ZNF276: variants seen among roughly 807,000 people sequenced by gnomAD.
ZNF276 encodes zinc finger protein 276.
Under a neutral mutation model 63.9 loss-of-function variants are expected in ZNF276, and 59 were observed. The ratio of observed to expected loss-of-function variants is 0.92; its 90% CI spans 0.75 to 1.15. ZNF276 has a LOEUF of 1.15. Ranked by LOEUF, ZNF276 falls within the 50% of genes most tolerant of loss-of-function variation. ZNF276 has a pLI of 0.00. For missense variants in ZNF276, 1,084 were observed against 843.8 expected (o/e 1.28, Z -3.53); for synonymous variants, 496 against 348.4 (o/e 1.42, Z -4.72).
At chr16:89,730,955 A>AC (rs1384122866) in intron 6 of ZNF276, among the ~76,000 whole-genome samples, 1 of 152,140 alleles carries the variant, frequency 6.6e-6, no homozygotes, top group Non-Finnish European at 1.5e-5. Flanking sequence ...CAGGGCCTGC[A>AC]CCCCCATGGG....
chr16:89,737,145 C>G (rs2061951365), intron 9 of ZNF276, among the ~76,000 whole-genome samples: 1 of 152,150 alleles, frequency 6.6e-6, no homozygotes, highest in Non-Finnish European at 1.5e-5. Context: ...GTATGGACCC[C>G]TCTCATATGG....
At position 89,738,586 on chromosome 16, in the gene ZNF276, C is replaced by A. The variant is rs1267579056; in HGVS notation, c.*340C>A. 6.2e-7 allele frequency: 1 copy of A among 1,612,828 alleles called. No individual in the cohort carries two copies. The highest frequency in any genetic ancestry group is 8.5e-7 in the Non-Finnish European group (1 of 1,179,984). On this transcript the variant is annotated 3_prime_UTR_variant, in exon 11 of 11. Transcript: ENST00000443381. ...TTTACACGGGAGCTGGGCTGGTGTGCAGTGGCAGGTCCCGTCAGAAGAGAT... is the reference window on the plus strand; with the variant it reads ...TTTACACGGGAGCTGGGCTGGTGTGAAGTGGCAGGTCCCGTCAGAAGAGAT...
intron 1 of ZNF276, 41 bp from the exon 2 acceptor site, chr16:89,722,490 C>T (rs2151658228): frequency 6.4e-7 from 1 of 1,569,320 alleles, no homozygotes; most frequent in Non-Finnish European, 8.6e-7. Context: ...GCTCAGGAGC[C>T]TCCTTTGCCA....
chr16:89,739,731 G>A lies in ZNF276; in HGVS notation c.*1485G>A. 2 of 1,498,408 alleles carry A rather than the reference G, an allele frequency of 1.3e-6. No homozygotes were observed. Among genetic ancestry groups the A allele is most frequent in the Non-Finnish European group, 1.8e-6 (2 of 1,125,770 alleles). 92.8% of individuals were successfully genotyped at this position (1,498,408 alleles called of 1,614,324 possible). The stretch of plus-strand genomic sequence containing the variant: ...CTGTCAGCAGCTGGGAGAGGATGGG[G>A]GGGTCGACCTCTTGCAGGAGGGTGG... On this transcript the variant is annotated 3_prime_UTR_variant, in exon 11 of 11. Transcript: ENST00000443381.
chr16:89,738,940 A>G lies in ZNF276; in HGVS notation c.*694A>G. ...CCGAGGTATTAACTGCAGCAGAAAAAGACGAGCTTTTGTTATCAGTTCCAC... is the reference window on the plus strand; with the variant it reads ...CCGAGGTATTAACTGCAGCAGAAAAGGACGAGCTTTTGTTATCAGTTCCAC... On this transcript the variant is annotated 3_prime_UTR_variant, in exon 11 of 11. Transcript: ENST00000443381. The G allele has an allele frequency of 6.2e-7, 1 of 1,614,276 alleles. No homozygotes were observed. The highest frequency in any genetic ancestry group is 1.1e-5 in the South Asian group (1 of 91,092).
At position 89,721,663 on chromosome 16, in the gene ZNF276, G is replaced by A; in HGVS notation, c.23G>A (p.Arg8His). Residue 8 changes from arginine (R) to histidine (H), a missense_variant, in exon 1 of 11, where the codon CGC becomes CAC. Arg to His is a conservative substitution (Grantham distance 29). Coordinates refer to ENST00000443381, the MANE Select transcript of ZNF276 (RefSeq NM_001113525.2). ...GCCATGAAGCGGGACCGGCTGGGCC[G>A]CTTCCTGTCTCCTGGGTCGTCCCGA... is the stretch of plus-strand genomic sequence containing the variant. MKRDRLGRFLSPGSSRQC... is the reference protein window; with the variant it reads MKRDRLGHFLSPGSSRQC... The A allele has an allele frequency of 6.8e-7, 1 of 1,464,266 alleles. No individual in the cohort carries two copies. The highest frequency in any genetic ancestry group is 9.0e-7 in the Non-Finnish European group (1 of 1,113,926). 90.7% of individuals were successfully genotyped at this position (1,464,266 alleles called of 1,614,324 possible).
Position 89,738,120 on chromosome 16 carries a change from G to A in ZNF276, c.1719G>A (p.Met573Ile). ...FEKAHNLNVH[M>I]SMVHPLTQTQ... The stretch of plus-strand genomic sequence containing the variant: ...AGGCCCACAACCTCAATGTACACAT[G>A]TCCATGGTGCACCCGCTGACACAGA... The change falls in exon 11 of 11, where the codon ATG becomes ATA. Residue 573 changes from methionine (M) to isoleucine (I), a missense_variant. Transcript: ENST00000443381. The A allele has an allele frequency of 1.9e-6, 3 of 1,613,862 alleles. No individual in the cohort carries two copies. The highest frequency in any genetic ancestry group is 2.5e-6 in the Non-Finnish European group (3 of 1,180,022).
At chr16:89,728,202 C>CTTT (rs71389418) in intron 5 of ZNF276, among the ~76,000 whole-genome samples, 11 of 124,870 alleles carry the variant, frequency 8.8e-5, no homozygotes, top group Non-Finnish European at 1.5e-4. Flanking sequence ...GGCCACAAAT[C>CTTT]TTTTTTTTTT....
chr16:89,720,472 C>A, upstream of ZNF276: 11 of 1,094,392 alleles, frequency 1.0e-5, no homozygotes, highest in Non-Finnish European at 1.2e-5. Context: ...TGGAAGGTGG[C>A]CTGGCGGACC....
In ZNF276 at chr16:89,723,599, C is replaced by G. The variant is rs1214505605; in HGVS notation, c.896C>G (p.Thr299Ser). 2.5e-6 allele frequency: 4 copies of G among 1,612,798 alleles called. No individual in the cohort carries two copies. Among genetic ancestry groups the G allele is most frequent in the East Asian group, 2.2e-5 (1 of 44,876 alleles). The change falls in exon 4 of 11, where the codon ACC becomes AGC. Residue 299 changes from threonine to serine, a missense_variant. By Grantham distance (58) the Thr-to-Ser change is moderately conservative. Coordinates refer to ENST00000443381, the MANE Select transcript of ZNF276 (RefSeq NM_001113525.2). ...ACAGGGACCCCAGTTGGGGCTGAGA[C>G]CAAGACCCTGCCCAGCACGGATGTG... ...RGTGTPVGAETKTLPSTDVAQ... is the reference protein window; with the variant it reads ...RGTGTPVGAESKTLPSTDVAQ...
intron 9 of ZNF276, among the ~76,000 whole-genome samples, chr16:89,734,399 C>T (rs1281335906): frequency 6.6e-6 from 1 of 152,128 alleles, no homozygotes; most frequent in African/African-American, 2.4e-5. Flanking sequence ...CATCTTGGCT[C>T]ACCACAACCT....
At chr16:89,727,486 C>T (rs574365770) in intron 5 of ZNF276, 129 bp downstream of exon 5, 91 of 1,089,430 alleles carry the variant, frequency 8.4e-5, no homozygotes, top group Middle Eastern at 6.3e-4. Context: ...AAACAGCCAT[C>T]GTAGGGTCGG....
At chr16:89,720,700 C>T (rs1174771024), upstream of ZNF276, 53 of 1,330,198 alleles carry the variant, frequency 4.0e-5, no homozygotes, top group South Asian at 9.2e-4. Context: ...CTCGCCCTCC[C>T]CGGGCGGGGG....
intron 4 of ZNF276, 144 bp from the exon 5 acceptor site, chr16:89,727,135 G>A (rs2061494147): frequency 1.2e-6 from 1 of 819,306 alleles, no homozygotes. Context: ...ACCCTTGGTG[G>A]GGATGGGGCC....
At chr16:89,728,375 C>T (rs957030925) in intron 5 of ZNF276, among the ~76,000 whole-genome samples, 2 of 152,042 alleles carry the variant, frequency 1.3e-5, no homozygotes, top group African/African-American at 4.8e-5. Context: ...CAGGCGCCCG[C>T]CACCACACCC....
chr16:89,734,786 G>A (rs2061795675), intron 9 of ZNF276, among the ~76,000 whole-genome samples: 1 of 152,196 alleles, frequency 6.6e-6, no homozygotes, highest in African/African-American at 2.4e-5. Context: ...TGAGGGTGCT[G>A]TCTCTGTGCC....
chr16:89,739,311 C>G lies in ZNF276; in HGVS notation c.*1065C>G, dbSNP rs74033848. 8.1e-4 allele frequency: 1,312 copies of G among 1,614,014 alleles called. 11 individuals carry two copies. The African/African-American group carries it at 0.016, about 20-fold the overall frequency. On this transcript the variant is annotated 3_prime_UTR_variant, in exon 11 of 11. Coordinates refer to ENST00000443381, the MANE Select transcript of ZNF276 (RefSeq NM_001113525.2). ...AAGACTAGAGGTAAAGACATAGTGA[C>G]AAATGGCTACAGACTGCTGGAAAGG... is the stretch of plus-strand genomic sequence containing the variant.
upstream of ZNF276, chr16:89,721,342 C>T (rs1342644716): frequency 1.6e-5 from 5 of 307,276 alleles, no homozygotes; most frequent in East Asian, 5.4e-5. Context: ...CGGCGAGCCC[C>T]TCCGCCCACC....
At position 89,728,447 on chromosome 16, in the gene ZNF276, A is replaced by G. The variant is rs1201036257; in HGVS notation, c.1086-788A>G. ...GAGACGGAGTCTCGCTGTGTTGCCCAGGCTGGAGTGCAGTGGCACAATCTC... is the reference window on the plus strand; with the variant it reads ...GAGACGGAGTCTCGCTGTGTTGCCCGGGCTGGAGTGCAGTGGCACAATCTC... On this transcript the variant is annotated intron_variant, in intron 5 of 10. Coordinates refer to ENST00000443381, the MANE Select transcript of ZNF276 (RefSeq NM_001113525.2). Among the ~76,000 whole-genome samples, 3 of 151,998 alleles carry G rather than the reference A, an allele frequency of 2.0e-5. No homozygotes were observed. In the East Asian group the frequency reaches 5.8e-4, roughly 29 times the overall value.
Sources: allele counts gnomAD v4.1 joint callset (sites outside exome capture counted in the v4.1 genomes callset), GRCh38; gene constraint gnomAD v4.1.1; transcripts MANE v1.5; gene names NCBI Gene and HGNC (gene_info 2026-07-23, HGNC 2026-07-21).